Variants in EFCAB11 observed in about 807,000 individuals in gnomAD.
The protein encoded by EFCAB11 is EF-hand calcium-binding domain-containing protein 11.
A neutral mutation model predicts 23.0 loss-of-function variants in EFCAB11; 14 were observed. That is an observed-to-expected ratio of 0.61 (90% CI 0.40 to 0.95). The LOEUF (loss-of-function observed/expected upper bound fraction) is 0.95, where lower values mean the gene tolerates loss of function less well. Ranked by LOEUF, EFCAB11 falls within the 40% of genes least tolerant of loss-of-function variation. EFCAB11 has a pLI of 0.00. For synonymous variants in EFCAB11, 65 were observed against 66.6 expected (o/e 0.98, Z 0.11); for missense variants, 198 against 195.8 (o/e 1.01, Z -0.07).
chr14:89,911,008 A>C (rs1391621177), intron 5 of EFCAB11, among the ~76,000 whole-genome samples: 1 of 152,208 alleles, frequency 6.6e-6, no homozygotes, highest in Non-Finnish European at 1.5e-5. Context: ...ACAAAGGTGC[A>C]CCTAGTACAC....
intron 5 of EFCAB11, among the ~76,000 whole-genome samples, chr14:89,930,860 G>A (rs1168221388): frequency 1.3e-5 from 2 of 152,212 alleles, no homozygotes. Flanking sequence ...CAGGGTTGAT[G>A]AAGAGCTCAT....
chr14:89,875,028 G>C (rs892373575), intron 5 of EFCAB11, among the ~76,000 whole-genome samples: 5 of 152,226 alleles, frequency 3.3e-5, no homozygotes, highest in African/African-American at 9.6e-5. Context: ...CCACCAGTCA[G>C]TGTAGTGCAC....
chr14:89,943,186 T>C (rs1194558430), intron 3 of EFCAB11, among the ~76,000 whole-genome samples: 2 of 151,914 alleles, frequency 1.3e-5, no homozygotes, highest in African/African-American at 4.8e-5. Flanking sequence ...CAGAACAACT[T>C]TGGAAAGTTG....
intron 5 of EFCAB11, among the ~76,000 whole-genome samples, chr14:89,803,935 C>T (rs548322895): frequency 1.4e-4 from 22 of 152,300 alleles, no homozygotes; most frequent in African/African-American, 5.1e-4. Flanking sequence ...AAAAGCCATT[C>T]GGATATACAG....
chr14:89,952,292 A>G (rs891830536), intron 2 of EFCAB11: 1 of 537,244 alleles, frequency 1.9e-6, no homozygotes, highest in African/African-American at 2.1e-5. Context: ...GTGTATGTAC[A>G]GTATGTTACA....
intron 5 of EFCAB11, among the ~76,000 whole-genome samples, chr14:89,841,389 C>T (rs746529712): frequency 1.3e-5 from 2 of 151,748 alleles, no homozygotes; most frequent in Non-Finnish European, 2.9e-5. Flanking sequence ...TCTCCCCATC[C>T]TTTCTCTCTC....
At chr14:89,954,759 A>C, upstream of EFCAB11, 1 of 1,514,020 alleles carries the variant, frequency 6.6e-7, no homozygotes, top group Non-Finnish European at 8.8e-7. Context: ...GCGGCTCAGG[A>C]AGCCGAACTT....
chr14:89,854,741 T>C (rs534240891), intron 5 of EFCAB11, among the ~76,000 whole-genome samples: 5 of 152,264 alleles, frequency 3.3e-5, no homozygotes, highest in Non-Finnish European at 7.4e-5. Flanking sequence ...CCATACTGAA[T>C]GGAGCTACCA....
At chr14:89,858,263 G>C (rs1367104052) in intron 5 of EFCAB11, among the ~76,000 whole-genome samples, 1 of 152,220 alleles carries the variant, frequency 6.6e-6, no homozygotes, top group Non-Finnish European at 1.5e-5. Context: ...GCAGGCATCT[G>C]AGTGAGCCAC....
At chr14:89,869,062 A>T (rs1219495382) in intron 5 of EFCAB11, among the ~76,000 whole-genome samples, 1 of 152,020 alleles carries the variant, frequency 6.6e-6, no homozygotes, top group Non-Finnish European at 1.5e-5. Flanking sequence ...AATTAGCCAG[A>T]TGTGTTGGTA....
intron 5 of EFCAB11, among the ~76,000 whole-genome samples, chr14:89,838,279 A>G (rs558609129): frequency 5.1e-4 from 78 of 152,310 alleles, no homozygotes; most frequent in East Asian, 2.9e-3. Context: ...GTAAAATCAG[A>G]AAGTTGTGAA....
intron 5 of EFCAB11, among the ~76,000 whole-genome samples, chr14:89,886,704 C>G (rs906688166): frequency 1.7e-4 from 26 of 152,096 alleles, no homozygotes; most frequent in Admixed American, 1.4e-3. Flanking sequence ...ATTCTCCATA[C>G]TTTTCTATGT....
At position 89,917,096 on chromosome 14, in the gene EFCAB11, GTA is replaced by G. The variant is rs1491025204; in HGVS notation, c.410+14443_410+14444del. On this transcript the variant is annotated intron_variant, in intron 5 of 5. Coordinates refer to ENST00000316738, the MANE Select transcript of EFCAB11 (RefSeq NM_145231.4). ...TGTGTGTGTGTGTGTGTGTGTGTGT[GTA>G]TGTGTGTGTTGAAAACACTTAAGAT... is the stretch of plus-strand genomic sequence containing the variant. Among the ~76,000 whole-genome samples, 672 of 100,892 alleles carry G rather than the reference GTA, an allele frequency of 6.7e-3. 7 individuals are homozygous for G. The highest frequency in any genetic ancestry group is 0.052 in the African/African-American group (522 of 10,134). 66.2% of individuals were successfully genotyped at this position (100,892 alleles called of 152,430 possible).
intron 5 of EFCAB11, among the ~76,000 whole-genome samples, chr14:89,869,820 C>T (rs190960185): frequency 6.6e-6 from 1 of 152,316 alleles, no homozygotes; most frequent in East Asian, 1.9e-4. Flanking sequence ...AGTGTCCTAA[C>T]TCCCAACAAC....
chr14:89,898,360 T>TTTTTG (rs955911703), intron 5 of EFCAB11, among the ~76,000 whole-genome samples: 1 of 148,826 alleles, frequency 6.7e-6, no homozygotes, highest in African/African-American at 2.5e-5. Flanking sequence ...CTCGTTTTTG[T>TTTTTG]TTTTGTTTTG....
intron 5 of EFCAB11, chr14:89,837,060 A>G (rs1243693020): frequency 2.2e-6 from 1 of 456,726 alleles, no homozygotes; most frequent in Non-Finnish European, 4.4e-6. Context: ...TGAATGATGG[A>G]GTCAGCTGCT....
rs78246972 is a variant in EFCAB11 at position 89,939,262 on chromosome 14, T to C, written c.218-6635A>G. Among the ~76,000 whole-genome samples the C allele has an allele frequency of 2.3e-3, 338 of 150,092 alleles. 3 individuals are homozygous for C. The highest frequency in any genetic ancestry group is 8.2e-3 in the African/African-American group (328 of 40,014). On this transcript the variant is annotated intron_variant, in intron 3 of 5. Coordinates refer to ENST00000316738, the MANE Select transcript of EFCAB11 (RefSeq NM_145231.4). ...ATTTATAGTTACATACTATATTCCTTGCTGTTGCAGAGGTTAAAAAAAAAA... is the reference window on the plus strand; with the variant it reads ...ATTTATAGTTACATACTATATTCCTCGCTGTTGCAGAGGTTAAAAAAAAAA...
intron 5 of EFCAB11, among the ~76,000 whole-genome samples, chr14:89,909,859 TC>T (rs1373798635): frequency 6.6e-6 from 1 of 152,162 alleles, no homozygotes; most frequent in Non-Finnish European, 1.5e-5. Context: ...ATGCCCTCCC[TC>T]CTTCCCTGGC....
chr14:89,930,697 C>G (rs1461074106), intron 5 of EFCAB11, among the ~76,000 whole-genome samples: 1 of 152,190 alleles, frequency 6.6e-6, no homozygotes, highest in Non-Finnish European at 1.5e-5. Context: ...AAGGGGCAAT[C>G]TGGATCCTTC....
Sources: allele counts gnomAD v4.1 joint callset (sites outside exome capture counted in the v4.1 genomes callset), GRCh38; gene constraint gnomAD v4.1.1; transcripts MANE v1.5; gene names NCBI Gene and HGNC (gene_info 2026-07-23, HGNC 2026-07-21).